The following ANG variants were observed in gnomAD, a reference collection of about 807,000 sequenced individuals.
ANG encodes the protein angiogenin.
For synonymous variants in ANG, 74 were observed against 73.8 expected, an observed-to-expected ratio of 1.00 and a Z score of -0.02; for missense variants, 178 against 187.4, an observed-to-expected ratio of 0.95 and a Z score of 0.29.
upstream of ANG, among the ~76,000 whole-genome samples, chr14:20,685,589 A>G (rs181271849): frequency 9.8e-5 from 15 of 152,348 alleles, no homozygotes; most frequent in East Asian, 1.3e-3. Context: ...GGTTTATTAC[A>G]TACGCTTCAA....
At chr14:20,687,052 T>C (rs947248041), upstream of ANG, among the ~76,000 whole-genome samples, 1 of 152,202 alleles carries the variant, frequency 6.6e-6, no homozygotes, top group East Asian at 1.9e-4. Context: ...TGTCTGAACA[T>C]TTAAAAAATA....
intron 1 of ANG, among the ~76,000 whole-genome samples, chr14:20,689,874 C>G (rs928317335): frequency 1.3e-5 from 2 of 149,548 alleles, no homozygotes; most frequent in African/African-American, 5.0e-5. Flanking sequence ...CAAGATAGCA[C>G]CACTGCGATC....
chr14:20,690,723 C>T (rs1277412075), intron 1 of ANG, among the ~76,000 whole-genome samples: 1 of 152,102 alleles, frequency 6.6e-6, no homozygotes, highest in Non-Finnish European at 1.5e-5. Flanking sequence ...GCTAGCAACT[C>T]TTTTATTTTC....
At chr14:20,690,356 T>C (rs949240915) in intron 1 of ANG, among the ~76,000 whole-genome samples, 2 of 152,172 alleles carry the variant, frequency 1.3e-5, no homozygotes, top group South Asian at 4.1e-4. Flanking sequence ...TATAGGACTT[T>C]TGCCACCAGA....
intron 1 of ANG, among the ~76,000 whole-genome samples, chr14:20,693,157 A>G (rs1886888630): frequency 6.6e-6 from 1 of 152,148 alleles, no homozygotes; most frequent in Admixed American, 6.5e-5. Context: ...GTCATTTGGT[A>G]TGTCTTAATG....
chr14:20,685,831 G>T (rs796943513), upstream of ANG, among the ~76,000 whole-genome samples: 109 of 152,046 alleles, frequency 7.2e-4, no homozygotes, highest in African/African-American at 2.5e-3. Flanking sequence ...CACAAGATCA[G>T]GAGTTCGAGA....
chr14:20,692,518 G>A (rs922435635), intron 1 of ANG, among the ~76,000 whole-genome samples: 3 of 152,226 alleles, frequency 2.0e-5, no homozygotes, highest in African/African-American at 7.2e-5. Context: ...AGATCAGCAG[G>A]CAGCATTAGA....
chr14:20,692,888 C>T (rs1356566394), intron 1 of ANG, among the ~76,000 whole-genome samples: 1 of 152,128 alleles, frequency 6.6e-6, no homozygotes, highest in Non-Finnish European at 1.5e-5. Flanking sequence ...CGCTCTGTCG[C>T]CAAGGCTGGA....
Position 20,693,799 on chromosome 14 carries a change from G to T in ANG, c.235G>T (p.Ala79Ser), listed in dbSNP as rs1175193451. ...FIHGNKRSIK[A>S]ICENKNGNPH... ...TCATGGCAACAAGCGCAGCATCAAG[G>T]CCATCTGTGAAAACAAGAATGGAAA... Residue 79 changes from alanine to serine, a missense_variant, in exon 2 of 2, where the codon GCC (alanine) becomes TCC (serine). Transcript: ENST00000397990. 1.9e-6 allele frequency: 3 copies of T among 1,614,172 alleles called. No homozygotes were observed. Among genetic ancestry groups the T allele is most frequent in the Non-Finnish European group, 1.7e-6 (2 of 1,180,022 alleles).
At chr14:20,692,521 G>A (rs1163618286) in intron 1 of ANG, among the ~76,000 whole-genome samples, 1 of 152,260 alleles carries the variant, frequency 6.6e-6, no homozygotes, top group Non-Finnish European at 1.5e-5. Flanking sequence ...TCAGCAGGCA[G>A]CATTAGATTC....
rs537748610 is a variant in ANG, at chr14:20,694,014, G to A, written c.*6G>A. 59 of 1,613,918 alleles carry A rather than the reference G, an allele frequency of 3.7e-5. No individual in the cohort carries two copies. Among genetic ancestry groups the A allele is most frequent in the East Asian group, 6.7e-5 (3 of 44,880 alleles). On this transcript the variant is annotated 3_prime_UTR_variant, in exon 2 of 2. Coordinates refer to ENST00000397990, the MANE Select transcript of ANG (RefSeq NM_001097577.3). ...CAATTTTCCGTCGTCCGTAACCAGC[G>A]GGCCCCTGGTCAAGTGCTGGCTCTG...
upstream of ANG, among the ~76,000 whole-genome samples, chr14:20,688,010 AC>A (rs1886503655): frequency 1.3e-5 from 2 of 152,174 alleles, no homozygotes; most frequent in Admixed American, 1.3e-4. Context: ...GATCCTGGTG[AC>A]CTTTGGCCCA....
intron 1 of ANG, among the ~76,000 whole-genome samples, chr14:20,691,582 A>G (rs1159517789): frequency 2.0e-5 from 3 of 152,208 alleles, no homozygotes; most frequent in African/African-American, 7.2e-5. Context: ...CTTTCTTGAT[A>G]AACTCCCAAG....
At chr14:20,691,125 T>C (rs528220512) in intron 1 of ANG, among the ~76,000 whole-genome samples, 2 of 152,246 alleles carry the variant, frequency 1.3e-5, no homozygotes, top group East Asian at 1.9e-4. Context: ...AACAGCAATA[T>C]CCCCACAAGT....
upstream of ANG, chr14:20,684,275 G>C (rs1338492006): frequency 6.6e-6 from 1 of 152,276 alleles, no homozygotes; most frequent in Admixed American, 6.5e-5. Context: ...GCTCAGCCAG[G>C]GGTAGTCTCT....
chr14:20,690,221 C>CAAAAAAAAAAAAAAAAAAAAAA (rs36091065), intron 1 of ANG, among the ~76,000 whole-genome samples: 5 of 67,978 alleles, frequency 7.4e-5, no homozygotes, highest in African/African-American at 3.2e-4. Context: ...GACTCCGTCT[C>CAAAAAAAAAAAAAAAAAAAAAA]AAAAAAAAAA....
At chr14:20,689,085 A>G (rs1283425991) in intron 1 of ANG, among the ~76,000 whole-genome samples, 1 of 152,172 alleles carries the variant, frequency 6.6e-6, no homozygotes. Flanking sequence ...AGGAAGTGGA[A>G]GTTTAGGAGG....
In ANG at chr14:20,694,165, A is replaced by C; in HGVS notation, c.*157A>C. On this transcript the variant is annotated 3_prime_UTR_variant, in exon 2 of 2. Coordinates refer to ENST00000397990, the MANE Select transcript of ANG (RefSeq NM_001097577.3). The stretch of plus-strand genomic sequence containing the variant: ...TTTGACAACATGTTTAATAAATAAA[A>C]ATGTCTTGATATCAGTAAGAATCAG... The C allele has an allele frequency of 1.3e-6, 1 of 789,716 alleles. No individual in the cohort carries two copies. The highest frequency in any genetic ancestry group is 2.1e-6 in the Non-Finnish European group (1 of 470,054). 48.9% of individuals were successfully genotyped at this position (789,716 alleles called of 1,614,324 possible). A position where few individuals can be genotyped will look rare whatever the true frequency, so the allele number is the denominator to read the frequency against.
upstream of ANG, among the ~76,000 whole-genome samples, chr14:20,687,099 T>C (rs1400208802): frequency 6.6e-6 from 1 of 152,236 alleles, no homozygotes; most frequent in Non-Finnish European, 1.5e-5. Context: ...CCTTCATTTG[T>C]ATTAAAATTA....
Sources: gnomAD v4.1 joint callset for allele counts (sites outside exome capture counted in the v4.1 genomes callset) on GRCh38, gnomAD v4.1.1 for gene constraint, MANE v1.5 for transcripts, NCBI Gene and HGNC (gene_info 2026-07-23, HGNC 2026-07-21) for gene names.